The following GRIP1 variants were observed in gnomAD, a reference collection of about 807,000 sequenced individuals.
The protein encoded by GRIP1 is glutamate receptor interacting protein 1.
A neutral mutation model predicts 129.9 loss-of-function variants in GRIP1; 45 were observed. The observed-to-expected ratio is 0.35, with a 90% CI of 0.27 to 0.44. The LOEUF (loss-of-function observed/expected upper bound fraction) is 0.44. Ranked by LOEUF, GRIP1 falls within the 20% of genes least tolerant of loss-of-function variation. GRIP1 has a pLI of 1.00. For synonymous variants in GRIP1, 530 were observed against 520.8 expected (o/e 1.02, Z -0.24); for missense variants, 1,196 against 1,396.8 (o/e 0.86, Z 2.29).
intron 1 of GRIP1, among the ~76,000 whole-genome samples, chr12:67,025,688 C>G: frequency 6.6e-6 from 1 of 152,252 alleles, no homozygotes; most frequent in Admixed American, 6.5e-5. Flanking sequence ...GCAATTCCTA[C>G]ACCTGCCACC....
At chr12:66,573,048 C>T (rs2063017010) in intron 2 of GRIP1, among the ~76,000 whole-genome samples, 2 of 151,756 alleles carry the variant, frequency 1.3e-5, no homozygotes, top group African/African-American at 2.4e-5. Flanking sequence ...GCCGACTATG[C>T]ACATATAACA....
chr12:66,646,209 G>A (rs1168722875), intron 1 of GRIP1, among the ~76,000 whole-genome samples: 1 of 152,188 alleles, frequency 6.6e-6, no homozygotes, highest in Admixed American at 6.5e-5. Flanking sequence ...TATTAAAAAT[G>A]AAATTACTCT....
At chr12:66,949,709 A>G (rs2041724822) in intron 1 of GRIP1, among the ~76,000 whole-genome samples, 1 of 151,820 alleles carries the variant, frequency 6.6e-6, no homozygotes, top group Non-Finnish European at 1.5e-5. Context: ...GCACCCCTCA[A>G]AAGTTGACTA....
At position 66,529,933 on chromosome 12, in the gene GRIP1, G is replaced by C. The variant is rs1461155092; in HGVS notation, c.419-19C>G. The C allele has an allele frequency of 7.0e-7, 1 of 1,422,932 alleles. No homozygotes were observed. The highest frequency in any genetic ancestry group is 1.4e-5 in the African/African-American group (1 of 71,314). 88.1% of individuals were successfully genotyped at this position (1,422,932 alleles called of 1,614,324 possible). ...TGCACAGCTGAATAAAGGAAAGAGA[G>C]AAGGAAATATAACTTGTAAGTCATC... is the stretch of plus-strand genomic sequence containing the variant. On this transcript the variant is annotated intron_variant, in intron 4 of 24. Transcript: ENST00000359742.
At chr12:66,657,494 T>A (rs2033234450) in intron 1 of GRIP1, among the ~76,000 whole-genome samples, 1 of 152,232 alleles carries the variant, frequency 6.6e-6, no homozygotes, top group Non-Finnish European at 1.5e-5. Flanking sequence ...CTATTCAAGC[T>A]TTACTCCAAT....
At chr12:67,029,441 T>C (rs1280969897) in intron 1 of GRIP1, among the ~76,000 whole-genome samples, 2 of 151,998 alleles carry the variant, frequency 1.3e-5, no homozygotes, top group Non-Finnish European at 2.9e-5. Context: ...TGGTCAAGCA[T>C]GGTGGCGCAT....
chr12:66,832,112 C>T (rs1320143354), intron 1 of GRIP1, among the ~76,000 whole-genome samples: 1 of 152,124 alleles, frequency 6.6e-6, no homozygotes, highest in Non-Finnish European at 1.5e-5. Flanking sequence ...ACACTTAAGA[C>T]CTGTACACCT....
chr12:66,404,383 A>G (rs2057114430), intron 16 of GRIP1, among the ~76,000 whole-genome samples: 2 of 152,328 alleles, frequency 1.3e-5, no homozygotes, highest in South Asian at 2.1e-4. Flanking sequence ...ATTGGTTGCA[A>G]TGAAATTATA....
At chr12:66,521,420 T>A (rs1372291705) in intron 5 of GRIP1, among the ~76,000 whole-genome samples, 1 of 152,274 alleles carries the variant, frequency 6.6e-6, no homozygotes, top group Non-Finnish European at 1.5e-5. Flanking sequence ...TTTTAATTAA[T>A]GTTTTAATAA....
At chr12:66,896,972 G>A (rs960084033) in intron 1 of GRIP1, among the ~76,000 whole-genome samples, 18 of 152,238 alleles carry the variant, frequency 1.2e-4, no homozygotes, top group African/African-American at 4.1e-4. Flanking sequence ...CTGAGAGGCA[G>A]TGTCACACAG....
chr12:66,414,483 T>C (rs1490128498), intron 15 of GRIP1, among the ~76,000 whole-genome samples: 2 of 152,028 alleles, frequency 1.3e-5, no homozygotes, highest in African/African-American at 2.4e-5. Context: ...TGCTCATGGA[T>C]AGAAAAAATC....
At chr12:66,354,224 C>T (rs761582474) in intron 23 of GRIP1, among the ~76,000 whole-genome samples, 5 of 152,196 alleles carry the variant, frequency 3.3e-5, no homozygotes, top group African/African-American at 1.2e-4. Context: ...GCCTGCCCCC[C>T]ACCCCGGGTC....
At chr12:66,934,538 A>G (rs963046335) in intron 1 of GRIP1, among the ~76,000 whole-genome samples, 1 of 152,342 alleles carries the variant, frequency 6.6e-6, no homozygotes, top group Non-Finnish European at 1.5e-5. Flanking sequence ...AATGCCCTTC[A>G]CATGCCAAAG....
intron 1 of GRIP1, among the ~76,000 whole-genome samples, chr12:66,718,125 CA>C (rs2035948778): frequency 6.6e-6 from 1 of 152,146 alleles, no homozygotes; most frequent in Non-Finnish European, 1.5e-5. Context: ...CTTCCCACTA[CA>C]TCCACACAAT....
chr12:66,715,888 C>T (rs955421362), intron 1 of GRIP1, among the ~76,000 whole-genome samples: 1 of 152,014 alleles, frequency 6.6e-6, no homozygotes, highest in Non-Finnish European at 1.5e-5. Context: ...CAGCTAGTCT[C>T]TAGGTACCCC....
intron 1 of GRIP1, among the ~76,000 whole-genome samples, chr12:66,968,311 C>T (rs2042025477): frequency 6.6e-6 from 1 of 152,080 alleles, no homozygotes; most frequent in Non-Finnish European, 1.5e-5. Flanking sequence ...TTCTCCATCC[C>T]TTTACTCTTA....
chr12:66,813,958 C>T (rs1212682456), intron 1 of GRIP1, among the ~76,000 whole-genome samples: 1 of 152,068 alleles, frequency 6.6e-6, no homozygotes, highest in Non-Finnish European at 1.5e-5. Flanking sequence ...AGAAATCAAG[C>T]ATGATTCTTT....
intron 23 of GRIP1, among the ~76,000 whole-genome samples, chr12:66,356,690 C>T (rs1170578922): frequency 4.0e-5 from 6 of 151,846 alleles, no homozygotes; most frequent in Non-Finnish European, 8.8e-5. Flanking sequence ...CAAGCAAACA[C>T]CAGTCCGCAT....
At chr12:66,870,831 T>C (rs965383485) in intron 1 of GRIP1, among the ~76,000 whole-genome samples, 36 of 152,214 alleles carry the variant, frequency 2.4e-4, no homozygotes, top group African/African-American at 7.9e-4. Context: ...GCCACTCCAT[T>C]TCAAAGCCTA....
Sources: allele counts gnomAD v4.1 joint callset (sites outside exome capture counted in the v4.1 genomes callset), GRCh38; gene constraint gnomAD v4.1.1; transcripts MANE v1.5; gene names NCBI Gene and HGNC (gene_info 2026-07-23, HGNC 2026-07-21).